Variants in UBE2E2 observed in about 807,000 individuals in gnomAD.
UBE2E2 encodes ubiquitin-conjugating enzyme E2 E2.
Under a neutral mutation model 24.7 loss-of-function variants are expected in UBE2E2, and 6 were observed. The ratio of observed to expected loss-of-function variants is 0.24; its 90% CI spans 0.13 to 0.48. The LOEUF (loss-of-function observed/expected upper bound fraction) is 0.48. Ranked by LOEUF, UBE2E2 falls within the 20% of genes least tolerant of loss-of-function variation. The pLI, the probability that UBE2E2 is intolerant of heterozygous loss-of-function variation, is 0.99. For missense variants in UBE2E2, 169 were observed against 245.0 expected (o/e 0.69, Z 2.07); for synonymous variants, 104 against 83.6 (o/e 1.24, Z -1.33).
intron 3 of UBE2E2, among the ~76,000 whole-genome samples, chr3:23,262,611 T>G (rs997789479): frequency 6.0e-5 from 9 of 149,732 alleles, no homozygotes; most frequent in Middle Eastern, 3.4e-3. Context: ...TATGTGGGGT[T>G]TTTTTTTTTG....
intron 3 of UBE2E2, among the ~76,000 whole-genome samples, chr3:23,417,039 A>T (rs570681492): frequency 6.6e-6 from 1 of 152,206 alleles, no homozygotes; most frequent in Admixed American, 6.5e-5. Flanking sequence ...CACCTTCTGA[A>T]GCCTACTTCT....
intron 3 of UBE2E2, among the ~76,000 whole-genome samples, chr3:23,429,372 G>C (rs189617750): frequency 1.7e-4 from 26 of 152,178 alleles, no homozygotes; most frequent in Non-Finnish European, 2.1e-4. Flanking sequence ...TATAATAGGC[G>C]TAAAAAATTT....
At chr3:23,533,332 T>C (rs1332461126) in intron 5 of UBE2E2, among the ~76,000 whole-genome samples, 4 of 152,096 alleles carry the variant, frequency 2.6e-5, no homozygotes, top group African/African-American at 9.7e-5. Flanking sequence ...TTTTAGAAAA[T>C]ACAAAAATCC....
chr3:23,375,100 G>A (rs965819964), intron 3 of UBE2E2, among the ~76,000 whole-genome samples: 2 of 152,122 alleles, frequency 1.3e-5, no homozygotes, highest in Admixed American at 1.3e-4. Flanking sequence ...ATCAGAGAAT[G>A]TGGTGCTATA....
At chr3:23,486,807 C>T (rs928367123) in intron 3 of UBE2E2, among the ~76,000 whole-genome samples, 3 of 152,152 alleles carry the variant, frequency 2.0e-5, no homozygotes, top group African/African-American at 7.2e-5. Flanking sequence ...CTGACTGGTC[C>T]ATGGTCGGGC....
intron 3 of UBE2E2, among the ~76,000 whole-genome samples, chr3:23,381,541 C>A (rs139913093): frequency 2.0e-5 from 3 of 152,048 alleles, no homozygotes; most frequent in Admixed American, 6.6e-5. Flanking sequence ...GTAAGAGCTC[C>A]GCATTATTAC....
At chr3:23,294,344 T>C (rs1355510773) in intron 3 of UBE2E2, among the ~76,000 whole-genome samples, 1 of 152,148 alleles carries the variant, frequency 6.6e-6, no homozygotes, top group African/African-American at 2.4e-5. Flanking sequence ...ATGTATCTTG[T>C]ATATATGGTC....
intron 5 of UBE2E2, among the ~76,000 whole-genome samples, chr3:23,560,309 A>G (rs1325162668): frequency 6.8e-6 from 1 of 147,288 alleles, no homozygotes; most frequent in Non-Finnish European, 1.5e-5. Context: ...GAGTGAGAAC[A>G]TGCGGTGTTT....
intron 5 of UBE2E2, among the ~76,000 whole-genome samples, chr3:23,559,573 C>T (rs1389392541): frequency 6.6e-6 from 1 of 152,170 alleles, no homozygotes; most frequent in Non-Finnish European, 1.5e-5. Flanking sequence ...TACCAGCAGC[C>T]CTGTGGCTGT....
intron 3 of UBE2E2, among the ~76,000 whole-genome samples, chr3:23,298,078 G>T (rs1169155902): frequency 1.3e-5 from 2 of 151,802 alleles, no homozygotes; most frequent in South Asian, 2.1e-4. Context: ...TTATGATTTG[G>T]CTCTCTGTTT....
At chr3:23,353,787 A>G (rs982183638) in intron 3 of UBE2E2, among the ~76,000 whole-genome samples, 7 of 150,658 alleles carry the variant, frequency 4.6e-5, no homozygotes, top group Non-Finnish European at 1.0e-4. Context: ...GGAAGAATCA[A>G]TATCGTGAAA....
At chr3:23,490,582 C>T (rs114997570) in intron 3 of UBE2E2, among the ~76,000 whole-genome samples, 4,022 of 152,130 alleles carry the variant, frequency 0.026, 79 homozygotes, top group Non-Finnish European at 0.038. Context: ...TAAATATACA[C>T]GCACGTAACA....
At chr3:23,278,810 A>G (rs780854059) in intron 3 of UBE2E2, among the ~76,000 whole-genome samples, 12 of 152,170 alleles carry the variant, frequency 7.9e-5, no homozygotes, top group Non-Finnish European at 1.8e-4. Context: ...TCAGCAATAC[A>G]TTTTGCATAA....
intron 2 of UBE2E2, among the ~76,000 whole-genome samples, chr3:23,212,754 C>G (rs1559440820): frequency 1.3e-5 from 2 of 152,010 alleles, no homozygotes; most frequent in African/African-American, 4.8e-5. Flanking sequence ...ACTGTATTTT[C>G]TTCATTCTAA....
At chr3:23,342,238 G>A (rs1042740979) in intron 3 of UBE2E2, among the ~76,000 whole-genome samples, 28 of 150,494 alleles carry the variant, frequency 1.9e-4, no homozygotes, top group Non-Finnish European at 3.3e-4. Flanking sequence ...AGGCTGGAGT[G>A]CAGTGGCACA....
intron 3 of UBE2E2, among the ~76,000 whole-genome samples, chr3:23,374,884 T>C (rs1210345944): frequency 6.6e-6 from 1 of 152,178 alleles, no homozygotes; most frequent in Admixed American, 6.5e-5. Flanking sequence ...TCCTTCTGTC[T>C]CAGGCTCCCA....
chr3:23,360,604 G>T (rs993912722), intron 3 of UBE2E2, among the ~76,000 whole-genome samples: 3 of 152,078 alleles, frequency 2.0e-5, no homozygotes, highest in Non-Finnish European at 4.4e-5. Context: ...ACTAGCTTCA[G>T]GTTCATGGTG....
chr3:23,567,817 C>T (rs918306353), intron 5 of UBE2E2, among the ~76,000 whole-genome samples: 1 of 152,194 alleles, frequency 6.6e-6, no homozygotes, highest in Non-Finnish European at 1.5e-5. Flanking sequence ...CTGTGGTATC[C>T]TATATCCTAG....
intron 1 of UBE2E2, among the ~76,000 whole-genome samples, chr3:23,205,540 A>G (rs182608672): frequency 2.5e-4 from 38 of 152,332 alleles, no homozygotes; most frequent in Non-Finnish European, 4.4e-4. Flanking sequence ...TCTGTAATCA[A>G]GCATTCAAAA....
Sources: allele counts gnomAD v4.1 joint callset (sites outside exome capture counted in the v4.1 genomes callset), GRCh38; gene constraint gnomAD v4.1.1; transcripts MANE v1.5; gene names NCBI Gene and HGNC (gene_info 2026-07-23, HGNC 2026-07-21).